Variants in AJAP1 observed in about 807,000 individuals in gnomAD.
The protein encoded by AJAP1 is adherens junctions associated protein 1, also known as adherens junction-associated protein 1.
Under a neutral mutation model 35.0 loss-of-function variants are expected in AJAP1, and 5 were observed. The ratio of observed to expected loss-of-function variants is 0.14; its 90% CI spans 0.07 to 0.30. The LOEUF is 0.30. Ranked by LOEUF, AJAP1 falls within the 10% of genes least tolerant of loss-of-function variation. The pLI is 1.00. For synonymous variants in AJAP1, 284 were observed against 249.3 expected, an observed-to-expected ratio of 1.14 and a Z score of -1.31; for missense variants, 586 against 571.0, an observed-to-expected ratio of 1.03 and a Z score of -0.27.
Position 4,782,257 on chromosome 1 carries a change from G to C in AJAP1, c.*60-288G>C, listed in dbSNP as rs1642078528. On this transcript the variant is annotated intron_variant, in intron 5 of 5. Coordinates refer to ENST00000378191, the MANE Select transcript of AJAP1 (RefSeq NM_018836.4). The surrounding 1 kb of genome is among the most constrained non-coding windows in gnomAD (Gnocchi z 5.3). ...AGCGGAGGGGGTGGTCCCAGCCCCT[G>C]GTAGCAAGCTCAGAGCTCTGTAGAT... 6.6e-6 allele frequency among the ~76,000 whole-genome samples: 1 copy of C among 152,142 alleles called. No individual in the cohort carries two copies. The highest frequency in any genetic ancestry group is 2.1e-4 in the South Asian group (1 of 4,822).
chr1:4,707,832 C>T (rs553721904), intron 1 of AJAP1, among the ~76,000 whole-genome samples: 3 of 151,938 alleles, frequency 2.0e-5, no homozygotes, highest in African/African-American at 7.2e-5. Context: ...ACTGTTTTGC[C>T]CAGAGGCATT....
Position 4,782,844 on chromosome 1 carries a change from C to G in AJAP1, c.*359C>G, listed in dbSNP as rs1642091885. The G allele has an allele frequency of 1.0e-5, 4 of 398,632 alleles. No homozygotes were observed. The allele number at this position is 398,632 out of a possible 1,614,324, so 24.7% of individuals were successfully genotyped here. On this transcript the variant is annotated 3_prime_UTR_variant, in exon 6 of 6. Transcript: ENST00000378191. The surrounding 1 kb of genome is among the most constrained non-coding windows in gnomAD (Gnocchi z 5.3). ...AGGGACGGGAGGAAGCATCCGAAAC[C>G]TAGGATTCGTCCTACGATTCTGAAC...
chr1:4,691,107 A>G (rs1387749755), intron 1 of AJAP1, among the ~76,000 whole-genome samples: 3 of 152,194 alleles, frequency 2.0e-5, no homozygotes, highest in African/African-American at 7.2e-5. Flanking sequence ...TAGGTGACTC[A>G]TGGCCGTGAG....
At chr1:4,703,180 A>T (rs1640027107) in intron 1 of AJAP1, among the ~76,000 whole-genome samples, 1 of 152,180 alleles carries the variant, frequency 6.6e-6, no homozygotes. Flanking sequence ...CATTACAATG[A>T]CATCAGGCTG....
chr1:4,767,524 CCATCACCATTAT>C (rs1641711642), intron 2 of AJAP1, among the ~76,000 whole-genome samples: 1 of 149,226 alleles, frequency 6.7e-6, no homozygotes, highest in Non-Finnish European at 1.5e-5. Context: ...ATCACCACCA[CCATCACCATTAT>C]CATCATCACC....
At chr1:4,682,296 C>T (rs1218726192) in intron 1 of AJAP1, among the ~76,000 whole-genome samples, 2 of 152,174 alleles carry the variant, frequency 1.3e-5, no homozygotes, top group Non-Finnish European at 2.9e-5. Context: ...ATAATAGCTC[C>T]CTGATCTCAA....
chr1:4,700,376 A>G (rs1246498419), intron 1 of AJAP1, among the ~76,000 whole-genome samples: 2 of 152,048 alleles, frequency 1.3e-5, no homozygotes, highest in African/African-American at 2.4e-5. Context: ...ACAGGCGCCC[A>G]TGAGTGGATC....
chr1:4,738,538 T>G (rs904432848), intron 2 of AJAP1, among the ~76,000 whole-genome samples: 25 of 151,864 alleles, frequency 1.6e-4, no homozygotes, highest in African/African-American at 6.1e-4. Context: ...CAGGCAGATT[T>G]GGTGGGAAGG....
chr1:4,765,979 A>C (rs570002693), intron 2 of AJAP1, among the ~76,000 whole-genome samples: 1 of 152,340 alleles, frequency 6.6e-6, no homozygotes, highest in South Asian at 2.1e-4. Flanking sequence ...GTGGAGGAGC[A>C]AGGTTCTAAT....
chr1:4,762,642 G>A (rs1044402874), intron 2 of AJAP1, among the ~76,000 whole-genome samples: 11 of 152,194 alleles, frequency 7.2e-5, no homozygotes, highest in Non-Finnish European at 1.5e-4. Context: ...CTGTCTTCCT[G>A]GTGCTCATCC....
At chr1:4,773,113 A>G (rs1290078108) in intron 4 of AJAP1, among the ~76,000 whole-genome samples, 1 of 152,252 alleles carries the variant, frequency 6.6e-6, no homozygotes, top group Non-Finnish European at 1.5e-5. Context: ...AGGTTTGTCC[A>G]GAATTAAATT....
intron 2 of AJAP1, among the ~76,000 whole-genome samples, chr1:4,735,815 A>T: frequency 6.6e-6 from 1 of 151,934 alleles, no homozygotes. Context: ...AGCCCCTGTT[A>T]CCCCTGCCTC....
At chr1:4,728,749 G>A (rs1190557365) in intron 2 of AJAP1, among the ~76,000 whole-genome samples, 1 of 152,200 alleles carries the variant, frequency 6.6e-6, no homozygotes, top group Admixed American at 6.5e-5. Context: ...CTGATTGCTG[G>A]GCCCCAGCTC....
chr1:4,694,508 C>T (rs144765458), intron 1 of AJAP1, among the ~76,000 whole-genome samples: 127 of 152,332 alleles, frequency 8.3e-4, no homozygotes, highest in African/African-American at 2.8e-3. Flanking sequence ...GGACAGACAC[C>T]GTCCTTGTTC....
At chr1:4,710,389 T>C (rs1640203939) in intron 1 of AJAP1, among the ~76,000 whole-genome samples, 1 of 152,002 alleles carries the variant, frequency 6.6e-6, no homozygotes, top group African/African-American at 2.4e-5. Flanking sequence ...TCATGTATGC[T>C]GGCTCACTCT....
At chr1:4,671,898 C>T (rs1001269787) in intron 1 of AJAP1, among the ~76,000 whole-genome samples, 6 of 152,166 alleles carry the variant, frequency 3.9e-5, no homozygotes, top group Non-Finnish European at 8.8e-5. Context: ...GTGTAGGTGT[C>T]CCCACTGCTC....
At chr1:4,752,854 G>A (rs903504600) in intron 2 of AJAP1, among the ~76,000 whole-genome samples, 2 of 152,160 alleles carry the variant, frequency 1.3e-5, no homozygotes, top group Non-Finnish European at 2.9e-5. Flanking sequence ...ACAAAGACTG[G>A]GTCCTCTAGG....
intron 2 of AJAP1, among the ~76,000 whole-genome samples, chr1:4,738,846 C>A (rs1356900627): frequency 2.0e-5 from 3 of 152,126 alleles, no homozygotes; most frequent in African/African-American, 7.2e-5. Flanking sequence ...TTGGCTCTTC[C>A]ATGAAGGGAG....
At chr1:4,677,365 C>T (rs1441118137) in intron 1 of AJAP1, among the ~76,000 whole-genome samples, 1 of 152,148 alleles carries the variant, frequency 6.6e-6, no homozygotes, top group African/African-American at 2.4e-5. Context: ...TGACCTCACA[C>T]ATCCCTGATT....
Sources: gnomAD v4.1 joint callset for allele counts (sites outside exome capture counted in the v4.1 genomes callset) on GRCh38, gnomAD v4.1.1 for gene constraint, Gnocchi (gnomAD v3.1) non-coding constraint, MANE v1.5 for transcripts, NCBI Gene and HGNC (gene_info 2026-07-23, HGNC 2026-07-21) for gene names.